MAPK10: variants seen among roughly 807,000 people sequenced by gnomAD.
MAPK10 encodes the protein mitogen-activated protein kinase 10, also known as JNK3 alpha protein kinase.
In MAPK10, 25 loss-of-function variants were observed where a neutral mutation model predicts 59.3. The ratio of observed to expected loss-of-function variants is 0.42; its 90% confidence interval spans 0.31 to 0.59. MAPK10 has a LOEUF of 0.59. Among genes scored for constraint, MAPK10 ranks in the 20% least tolerant of loss-of-function variants. The pLI, the probability that MAPK10 is intolerant of heterozygous loss-of-function variation, is 0.15. For missense variants in MAPK10, 351 were observed against 568.9 expected (o/e 0.62, Z 3.90); for synonymous variants, 190 against 200.5 (o/e 0.95, Z 0.44).
chr4:86,014,845 G>A lies in MAPK10; in HGVS notation c.*2383C>T, dbSNP rs1742675795. 1 of 152,086 alleles carries A rather than the reference G, an allele frequency of 6.6e-6. No homozygotes were observed. Among genetic ancestry groups the A allele is most frequent in the Admixed American group, 6.6e-5 (1 of 15,266 alleles). 9.4% of individuals were successfully genotyped at this position (152,086 alleles called of 1,614,324 possible). A position where few individuals can be genotyped will look rare whatever the true frequency, so the allele number is the denominator to read the frequency against. On this transcript the variant is annotated 3_prime_UTR_variant, in exon 14 of 14. Transcript: ENST00000641462. ...TGTCTTGTGATGTCATCTTGCGGCT[G>A]ATGAAATTCCCCTTGAGACTCTCTT...
intron 1 of MAPK10, among the ~76,000 whole-genome samples, chr4:86,427,672 T>C (rs906401460): frequency 5.3e-5 from 8 of 152,372 alleles, no homozygotes; most frequent in Middle Eastern, 3.4e-3. Flanking sequence ...CTCTAACTTA[T>C]ATTGACAGGT....
chr4:86,072,238 A>G (rs1378367419), intron 9 of MAPK10, among the ~76,000 whole-genome samples: 4 of 150,502 alleles, frequency 2.7e-5, no homozygotes, highest in African/African-American at 7.3e-5. Context: ...TTGTACATTG[A>G]TTTTGTATCC....
At chr4:86,238,489 T>C (rs929827794) in intron 2 of MAPK10, among the ~76,000 whole-genome samples, 32 of 152,208 alleles carry the variant, frequency 2.1e-4, no homozygotes, top group African/African-American at 7.2e-4. Context: ...GGATGGAATG[T>C]TTTTCCTCTG....
intron 1 of MAPK10, among the ~76,000 whole-genome samples, chr4:86,444,549 A>G (rs1749788058): frequency 6.6e-6 from 1 of 152,150 alleles, no homozygotes; most frequent in African/African-American, 2.4e-5. Flanking sequence ...CAAGTGTAAC[A>G]AAAGCAAAAA....
chr4:86,302,867 A>G (rs1038598385), intron 2 of MAPK10, among the ~76,000 whole-genome samples: 2 of 152,186 alleles, frequency 1.3e-5, no homozygotes, highest in Admixed American at 6.5e-5. Context: ...CCCAAGAAAA[A>G]GACTTTTACA....
intron 3 of MAPK10, among the ~76,000 whole-genome samples, chr4:86,183,340 A>G (rs138714649): frequency 7.4e-6 from 1 of 134,440 alleles, no homozygotes; most frequent in Non-Finnish European, 1.5e-5. Flanking sequence ...CTTCCTGTGT[A>G]CATGTGTTCT....
chr4:86,101,551 A>G (rs1580265399), intron 7 of MAPK10: 1 of 380,938 alleles, frequency 2.6e-6, no homozygotes, highest in East Asian at 4.8e-5. Context: ...TAGGCCTGAC[A>G]GAAGAACAGA....
At chr4:86,511,185 T>A (rs1756205495) in intron 1 of MAPK10, among the ~76,000 whole-genome samples, 1 of 152,172 alleles carries the variant, frequency 6.6e-6, no homozygotes, top group Non-Finnish European at 1.5e-5. Context: ...TTTTTTTTTA[T>A]TTTAAAAACA....
intron 1 of MAPK10, among the ~76,000 whole-genome samples, chr4:86,500,936 T>C (rs1235258132): frequency 2.0e-5 from 3 of 151,992 alleles, no homozygotes; most frequent in South Asian, 2.1e-4. Flanking sequence ...AGCTCCTTAA[T>C]AGGACAATTT....
chr4:86,292,464 C>T (rs2095254493), intron 2 of MAPK10, among the ~76,000 whole-genome samples: 1 of 152,150 alleles, frequency 6.6e-6, no homozygotes, highest in Non-Finnish European at 1.5e-5. Context: ...ACCCTTTAAT[C>T]CCAACATTTT....
At chr4:86,267,235 T>C (rs1238984854) in intron 2 of MAPK10, among the ~76,000 whole-genome samples, 1 of 152,182 alleles carries the variant, frequency 6.6e-6, no homozygotes. Flanking sequence ...TATGGAAAAA[T>C]AAAATTGCCT....
rs189181815 is a variant in MAPK10, at chr4:86,273,217, G to T, written c.-6-78810C>A. On this transcript the variant is annotated intron_variant, in intron 2 of 13. Coordinates refer to ENST00000641462, the MANE Select transcript of MAPK10 (RefSeq NM_138982.4). Reference sequence around the variant, plus strand: ...CTAACGTAATAAAAAGAAAATAAAGGCTATGTGAGAGAAGAATTTTATCTT... The same window carrying T: ...CTAACGTAATAAAAAGAAAATAAAGTCTATGTGAGAGAAGAATTTTATCTT... Among the ~76,000 whole-genome samples, 84 of 152,010 alleles carry T rather than the reference G, an allele frequency of 5.5e-4. 2 individuals are homozygous for T. Among genetic ancestry groups the T allele is most frequent in the Admixed American group, 5.2e-3 (79 of 15,242 alleles).
intron 13 of MAPK10, among the ~76,000 whole-genome samples, chr4:86,022,623 G>A (rs926283074): frequency 1.3e-5 from 2 of 151,976 alleles, no homozygotes; most frequent in Non-Finnish European, 1.5e-5. Flanking sequence ...TCCTGCCCCA[G>A]CCTCCCAAGT....
intron 7 of MAPK10, 76 bp downstream of exon 7, chr4:86,101,818 C>T (rs935655852): frequency 5.9e-5 from 87 of 1,469,402 alleles, no homozygotes; most frequent in Admixed American, 1.0e-4. Context: ...CAATGCCCCC[C>T]GTATAAAGAA....
chr4:86,075,885 T>A (rs1040759758), intron 9 of MAPK10, among the ~76,000 whole-genome samples: 11 of 152,258 alleles, frequency 7.2e-5, no homozygotes, highest in African/African-American at 2.6e-4. Context: ...GGGCCTACAG[T>A]GGCAGGCAGG....
intron 2 of MAPK10, among the ~76,000 whole-genome samples, chr4:86,224,776 A>G (rs2090322117): frequency 6.6e-6 from 1 of 152,224 alleles, no homozygotes; most frequent in Admixed American, 6.5e-5. Flanking sequence ...GTTTTCCCTC[A>G]AAATTAGAAA....
chr4:86,331,729 C>A (rs894528844), intron 2 of MAPK10, among the ~76,000 whole-genome samples: 13 of 152,150 alleles, frequency 8.5e-5, no homozygotes, highest in Admixed American at 2.0e-4. Flanking sequence ...TCACTGAATT[C>A]TTTTAACAGG....
At chr4:86,575,629 G>C (rs753172063) in intron 1 of MAPK10, among the ~76,000 whole-genome samples, 1 of 151,478 alleles carries the variant, frequency 6.6e-6, no homozygotes, top group Non-Finnish European at 1.5e-5. Context: ...AAATGCTTTG[G>C]GAGGGGATGA....
At chr4:86,575,280 C>A (rs1761799716) in intron 1 of MAPK10, among the ~76,000 whole-genome samples, 1 of 152,102 alleles carries the variant, frequency 6.6e-6, no homozygotes, top group Admixed American at 6.6e-5. Flanking sequence ...GGTTGTGGGT[C>A]TTTTCAGCCT....
Sources: allele counts gnomAD v4.1 joint callset (sites outside exome capture counted in the v4.1 genomes callset), GRCh38; gene constraint gnomAD v4.1.1; transcripts MANE v1.5; gene names NCBI Gene and HGNC (gene_info 2026-07-23, HGNC 2026-07-21).